Variants in DCDC1 observed in about 807,000 individuals in gnomAD.
The protein encoded by DCDC1 is doublecortin domain-containing protein 1.
DCDC1 carries 200 observed loss-of-function variants against 178.3 expected under a neutral mutation model. The observed-to-expected ratio is 1.12, with a 90% CI of 1.00 to 1.26. The LOEUF is 1.26. Among genes scored for constraint, DCDC1 ranks in the 50% most tolerant of loss-of-function variants. DCDC1 has a pLI of 0.00. For synonymous variants in DCDC1, 690 were observed against 604.8 expected, an observed-to-expected ratio of 1.14 and a Z score of -2.07; for missense variants, 1,983 against 1,749.2, an observed-to-expected ratio of 1.13 and a Z score of -2.38.
At chr11:31,129,161 C>T (rs11604945) in intron 10 of DCDC1, among the ~76,000 whole-genome samples, 1,122 of 108,014 alleles carry the variant, frequency 0.01, 9 homozygotes, top group Non-Finnish European at 0.018. Flanking sequence ...TGCACTATTA[C>T]TCATATGACC....
intron 38 of DCDC1, among the ~76,000 whole-genome samples, chr11:30,866,862 T>C (rs1419758855): frequency 2.0e-5 from 3 of 152,178 alleles, no homozygotes; most frequent in African/African-American, 7.2e-5. Flanking sequence ...ATTTGGGTCA[T>C]GAGGGATTTA....
At chr11:31,350,196 A>T (rs1309143393) in intron 1 of DCDC1, among the ~76,000 whole-genome samples, 1 of 152,222 alleles carries the variant, frequency 6.6e-6, no homozygotes, top group African/African-American at 2.4e-5. Flanking sequence ...TTAGTGGAGC[A>T]AAATATTATC....
intron 1 of DCDC1, among the ~76,000 whole-genome samples, chr11:31,360,412 G>C (rs890095760): frequency 1.3e-5 from 2 of 152,116 alleles, no homozygotes; most frequent in Non-Finnish European, 2.9e-5. Flanking sequence ...ACCCCCAGTG[G>C]ATGCCTAAAA....
chr11:31,289,060 T>G (rs897962656), intron 7 of DCDC1, among the ~76,000 whole-genome samples: 2 of 152,024 alleles, frequency 1.3e-5, no homozygotes, highest in South Asian at 2.1e-4. Flanking sequence ...AAGAAAAAAG[T>G]AAGCTAAAGA....
chr11:31,338,674 A>G (rs1282243960), intron 1 of DCDC1, among the ~76,000 whole-genome samples: 1 of 152,132 alleles, frequency 6.6e-6, no homozygotes, highest in Non-Finnish European at 1.5e-5. Flanking sequence ...GGGAACTGTC[A>G]CCAAAGAAGG....
intron 20 of DCDC1, among the ~76,000 whole-genome samples, chr11:31,022,364 G>C (rs541410734): frequency 2.6e-5 from 4 of 152,190 alleles, no homozygotes; most frequent in Admixed American, 2.6e-4. Context: ...GTCTCTGTCT[G>C]TTTTCCTCTT....
At chr11:30,946,640 G>C (rs774931075) in intron 21 of DCDC1, among the ~76,000 whole-genome samples, 1 of 151,994 alleles carries the variant, frequency 6.6e-6, no homozygotes, top group Non-Finnish European at 1.5e-5. Context: ...AAAGCACAGG[G>C]GATCATGATT....
intron 27 of DCDC1, 33 bp downstream of exon 27, chr11:30,915,478 T>G (rs745675563): frequency 6.2e-7 from 1 of 1,611,624 alleles, no homozygotes; most frequent in Non-Finnish European, 8.5e-7. Flanking sequence ...TATTCACCTT[T>G]TGATATAGTA....
intron 20 of DCDC1, among the ~76,000 whole-genome samples, chr11:30,955,611 C>T (rs1284937586): frequency 6.6e-6 from 1 of 152,162 alleles, no homozygotes; most frequent in Non-Finnish European, 1.5e-5. Flanking sequence ...TTCACCACCA[C>T]CTCCTTTTTC....
At chr11:31,013,778 G>C (rs1247320542) in intron 20 of DCDC1, among the ~76,000 whole-genome samples, 5 of 152,122 alleles carry the variant, frequency 3.3e-5, no homozygotes, top group African/African-American at 9.7e-5. Flanking sequence ...TAATAGAATG[G>C]TATTAATGAT....
intron 21 of DCDC1, among the ~76,000 whole-genome samples, chr11:30,938,080 C>A (rs1947390261): frequency 6.6e-6 from 1 of 152,074 alleles, no homozygotes; most frequent in Non-Finnish European, 1.5e-5. Flanking sequence ...CCGAGCCCTG[C>A]CAACCTCTCC....
intron 7 of DCDC1, among the ~76,000 whole-genome samples, chr11:31,269,619 C>G (rs1945410836): frequency 6.6e-6 from 1 of 152,102 alleles, no homozygotes; most frequent in Non-Finnish European, 1.5e-5. Context: ...CCCCTGGTCT[C>G]AACTGATCCT....
intron 20 of DCDC1, among the ~76,000 whole-genome samples, chr11:30,983,322 C>T (rs1034961750): frequency 2.6e-5 from 4 of 152,160 alleles, no homozygotes; most frequent in African/African-American, 9.7e-5. Context: ...CTTTTTATTG[C>T]TTCTGGATGA....
chr11:31,300,584 G>C (rs1434945279), intron 6 of DCDC1, among the ~76,000 whole-genome samples: 1 of 152,048 alleles, frequency 6.6e-6, no homozygotes, highest in Admixed American at 6.6e-5. Context: ...TTCGAGTCTA[G>C]TGTCCTTTAA....
At chr11:31,190,165 T>C (rs1463885475) in intron 9 of DCDC1, among the ~76,000 whole-genome samples, 1 of 152,188 alleles carries the variant, frequency 6.6e-6, no homozygotes, top group Non-Finnish European at 1.5e-5. Flanking sequence ...ACGAGTCAGC[T>C]AGGAATATAA....
chr11:31,327,245 C>T (rs1175849785), intron 3 of DCDC1, among the ~76,000 whole-genome samples: 6 of 151,980 alleles, frequency 3.9e-5, no homozygotes, highest in Non-Finnish European at 7.4e-5. Flanking sequence ...CTTGGCTCAC[C>T]GCAACCTCCA....
At chr11:31,020,251 C>G (rs1281213717) in intron 20 of DCDC1, among the ~76,000 whole-genome samples, 2 of 152,196 alleles carry the variant, frequency 1.3e-5, no homozygotes, top group South Asian at 2.1e-4. Flanking sequence ...CTGGTCAATT[C>G]TCCCAGCCTC....
chr11:31,060,095 T>A (rs182010896), intron 20 of DCDC1, among the ~76,000 whole-genome samples: 5 of 151,984 alleles, frequency 3.3e-5, no homozygotes, highest in Non-Finnish European at 7.4e-5. Flanking sequence ...TCCTATTTTA[T>A]CAGGGGAAAA....
chr11:31,325,286 G>T (rs1161495634), intron 3 of DCDC1, among the ~76,000 whole-genome samples: 2 of 152,104 alleles, frequency 1.3e-5, no homozygotes, highest in Non-Finnish European at 2.9e-5. Context: ...ATGTCTCCAA[G>T]GCTATTGCCC....
Sources: allele counts gnomAD v4.1 joint callset (sites outside exome capture counted in the v4.1 genomes callset), GRCh38; gene constraint gnomAD v4.1.1; transcripts MANE v1.5; gene names NCBI Gene and HGNC (gene_info 2026-07-23, HGNC 2026-07-21).